Variants in SUN2 observed in about 807,000 individuals in gnomAD.
The protein encoded by SUN2 is SUN domain-containing protein 2.
SUN2 carries 60 observed loss-of-function variants against 100.0 expected under a neutral mutation model. That is an observed-to-expected ratio of 0.60 (90% confidence interval 0.49 to 0.74). SUN2 has a LOEUF of 0.74. SUN2 is among the 30% of genes least tolerant of loss of function. The pLI is 0.00. For synonymous variants in SUN2, 367 were observed against 403.3 expected (o/e 0.91, Z 1.08); for missense variants, 834 against 954.6 (o/e 0.87, Z 1.66).
chr22:38,750,058 C>G (rs372742010), intron 5 of SUN2, among the ~76,000 whole-genome samples, 167 bp downstream of exon 5: 9 of 152,250 alleles, frequency 5.9e-5, no homozygotes, highest in Admixed American at 5.2e-4. Flanking sequence ...TTCCCTTCCA[C>G]GCAAGGGGGT....
intron 17 of SUN2, 131 bp from the exon 18 acceptor site, chr22:38,736,511 G>T: frequency 1.5e-6 from 1 of 673,022 alleles, no homozygotes; most frequent in Non-Finnish European, 2.4e-6. Flanking sequence ...GCTCTGAAGA[G>T]AACCAGGCTT....
rs2092814602 is a variant in SUN2 at position 38,737,340 on chromosome 22, C to G, written c.2040+833G>C. 6.6e-6 allele frequency among the ~76,000 whole-genome samples: 1 copy of G among 152,068 alleles called. No individual in the cohort carries two copies. Among genetic ancestry groups the G allele is most frequent in the Admixed American group, 6.6e-5 (1 of 15,262 alleles). ...CAGTGGCTTCTTCCTCCCACCCCAT[C>G]CAACTGGACATTCACGACCCTCCCT... is the stretch of plus-strand genomic sequence containing the variant. On this transcript the variant is annotated intron_variant, in intron 17 of 17. Transcript: ENST00000689035. The surrounding 1 kb of genome is among the most constrained non-coding windows in gnomAD (Gnocchi z 4.1).
Position 38,755,088 on chromosome 22 carries a change from T to A in SUN2, c.-38+675A>T. 1.0e-6 allele frequency: 1 copy of A among 1,002,996 alleles called. No homozygotes were observed. The allele number at this position is 1,002,996 out of a possible 1,614,324, so 62.1% of individuals were successfully genotyped here. On this transcript the variant is annotated intron_variant, in intron 1 of 17. Transcript: ENST00000689035. This position sits in a 1 kb window ranked among gnomAD's most constrained non-coding sequence, Gnocchi z 5.7. ...CTTCCCCACTTCTCAGCTGGGCGAC[T>A]TCCTTTCTCAATTCCGCCCTTCCCC... is the stretch of plus-strand genomic sequence containing the variant.
chr22:38,741,129 A>G, intron 10 of SUN2, 79 bp from the exon 11 acceptor site: 1 of 1,496,690 alleles, frequency 6.7e-7, no homozygotes, highest in Non-Finnish European at 9.1e-7. Flanking sequence ...GCTGTCTGTT[A>G]GCGTCTTTGC....
intron 6 of SUN2, 86 bp from the exon 7 acceptor site, chr22:38,748,869 A>T (rs1282382185): frequency 1.4e-6 from 2 of 1,384,048 alleles, no homozygotes; most frequent in Non-Finnish European, 2.1e-6. Context: ...GAGTACCCTG[A>T]GATGTTTTCC....
At position 38,755,682 on chromosome 22, in the gene SUN2, C is replaced by G. The variant is rs1321368624; in HGVS notation, c.-38+81G>C. 1.0e-6 allele frequency: 1 copy of G among 980,024 alleles called. No individual in the cohort carries two copies. Among genetic ancestry groups the G allele is most frequent in the African/African-American group, 1.8e-5 (1 of 57,056 alleles). 60.7% of individuals were successfully genotyped at this position (980,024 alleles called of 1,614,324 possible). A position where few individuals can be genotyped will look rare whatever the true frequency, so the allele number is the denominator to read the frequency against. On this transcript the variant is annotated intron_variant, in intron 1 of 17. Transcript: ENST00000689035. The surrounding 1 kb of genome is among the most constrained non-coding windows in gnomAD (Gnocchi z 5.7). Reference sequence around the variant, plus strand: ...AGGAAGCAGGCCTGGCGGCGCGGCCCCGCCCGAGTGGCCCGACGGTGACCC... The same window carrying G: ...AGGAAGCAGGCCTGGCGGCGCGGCCGCGCCCGAGTGGCCCGACGGTGACCC...
At chr22:38,753,163 A>G (rs1026361934) in intron 1 of SUN2, among the ~76,000 whole-genome samples, 10 of 150,396 alleles carry the variant, frequency 6.6e-5, no homozygotes, top group Non-Finnish European at 1.5e-4. Context: ...CGAGGGCCCC[A>G]ACGAACCTTG....
At position 38,738,202 on chromosome 22, in the gene SUN2, C is replaced by T. The variant is rs2072797; in HGVS notation, c.2011G>A (p.Gly671Ser). 0.11 allele frequency: 177,898 copies of T among 1,613,644 alleles called. 10,681 individuals are homozygous for T. Among genetic ancestry groups the T allele is most frequent in the East Asian group, 0.16 (7,187 of 44,862 alleles). The change falls in exon 17 of 18, where the codon GGC becomes AGC. Residue 671 changes from glycine (G) to serine (S), a missense_variant. Physicochemically the swap from Gly to Ser is moderately conservative, Grantham distance 56 (BLOSUM62 0). Around this residue, in one of 3 missense-constraint regions of SUN2, gnomAD observed 80 missense variants for 76.7 expected, o/e 1.04. Coordinates refer to ENST00000689035, the MANE Select transcript of SUN2 (RefSeq NM_015374.3). This position sits in a 1 kb window ranked among gnomAD's most constrained non-coding sequence, Gnocchi z 6.6. ...AAGTGAAACGTCTGAATAGGCTCGC[C>T]GTCCTGATCGTAAGTGAACTTGCCA... ...LLGKFTYDQD[G>S]EPIQTFHFQA...
Position 38,736,222 on chromosome 22 carries a change from T to C in SUN2, c.*45A>G. The C allele has an allele frequency of 6.4e-7, 1 of 1,564,624 alleles. No homozygotes were observed. The highest frequency in any genetic ancestry group is 1.1e-5 in the South Asian group (1 of 88,904). ...GTGTGGGGGAAGCGGCGGGGTGCTGTTCACCCACTCCCAGATGGCTGGCAG... is the reference window on the plus strand; with the variant it reads ...GTGTGGGGGAAGCGGCGGGGTGCTGCTCACCCACTCCCAGATGGCTGGCAG... On this transcript the variant is annotated 3_prime_UTR_variant, in exon 18 of 18. Transcript: ENST00000689035.
chr22:38,738,128 A>T lies in SUN2; in HGVS notation c.2040+45T>A, dbSNP rs370586909. On this transcript the variant is annotated intron_variant, in intron 17 of 17. Coordinates refer to ENST00000689035, the MANE Select transcript of SUN2 (RefSeq NM_015374.3). The surrounding 1 kb of genome is among the most constrained non-coding windows in gnomAD (Gnocchi z 6.6). The stretch of plus-strand genomic sequence containing the variant: ...TGCCCAGGGAGCACCTGCTGCCTGG[A>T]TGGGGAGTCTGCGCCACTTCTGCTA... 5.7e-6 allele frequency: 9 copies of T among 1,572,694 alleles called. No homozygotes were observed. The highest frequency in any genetic ancestry group is 7.9e-6 in the Non-Finnish European group (9 of 1,142,674).
At position 38,755,007 on chromosome 22, in the gene SUN2, C is replaced by T; in HGVS notation, c.-38+756G>A. Reference sequence around the variant, plus strand: ...CTACTGCGAATCATAATAGACACCACCCCCGCCCCACCTCCTCCCTAACAA... The same window carrying T: ...CTACTGCGAATCATAATAGACACCATCCCCGCCCCACCTCCTCCCTAACAA... On this transcript the variant is annotated intron_variant, in intron 1 of 17. Coordinates refer to ENST00000689035, the MANE Select transcript of SUN2 (RefSeq NM_015374.3). The surrounding 1 kb of genome is among the most constrained non-coding windows in gnomAD (Gnocchi z 5.7). The T allele has an allele frequency of 2.4e-6, 3 of 1,261,102 alleles. No homozygotes were observed. Among genetic ancestry groups the T allele is most frequent in the Non-Finnish European group, 3.1e-6 (3 of 966,236 alleles). The allele number at this position is 1,261,102 out of a possible 1,614,324, so 78.1% of individuals were successfully genotyped here.
rs1193291451 is a variant in SUN2 at position 38,740,534 on chromosome 22, G to A, written c.1191-102C>T. Reference sequence around the variant, plus strand: ...CCCCTAGTGGGCTCCCGTCAGGAGAGCGGGTGCCCAGCACTCATTGTGAAC... The same window carrying A: ...CCCCTAGTGGGCTCCCGTCAGGAGAACGGGTGCCCAGCACTCATTGTGAAC... On this transcript the variant is annotated intron_variant, in intron 11 of 17. Transcript: ENST00000689035. The surrounding 1 kb of genome is among the most constrained non-coding windows in gnomAD (Gnocchi z 4.8). 2.3e-6 allele frequency: 3 copies of A among 1,296,144 alleles called. No individual in the cohort carries two copies. Among genetic ancestry groups the A allele is most frequent in the Non-Finnish European group, 3.1e-6 (3 of 977,304 alleles). 80.3% of individuals were successfully genotyped at this position (1,296,144 alleles called of 1,614,324 possible). A position where few individuals can be genotyped will look rare whatever the true frequency, so the allele number is the denominator to read the frequency against.
At chr22:38,745,840 A>G in intron 7 of SUN2, 29 bp from the exon 8 acceptor site, 3 of 1,608,962 alleles carry the variant, frequency 1.9e-6, no homozygotes, top group Non-Finnish European at 1.7e-6. Flanking sequence ...GTGTTACCCC[A>G]GCTGGGCCTC....
Position 38,745,593 on chromosome 22 carries a change from C to A in SUN2, c.813+91G>T. The A allele has an allele frequency of 1.3e-6, 2 of 1,518,608 alleles. 1 individual carries two copies. The highest frequency in any genetic ancestry group is 2.4e-5 in the South Asian group (2 of 83,754). 94.1% of individuals were successfully genotyped at this position (1,518,608 alleles called of 1,614,324 possible). A position where few individuals can be genotyped will look rare whatever the true frequency, so the allele number is the denominator to read the frequency against. On this transcript the variant is annotated intron_variant, in intron 8 of 17. Coordinates refer to ENST00000689035, the MANE Select transcript of SUN2 (RefSeq NM_015374.3). Reference sequence around the variant, plus strand: ...ACAGTACGCCTCAGCTTTGTGTGTACGGTGTGAGGCAGGCTGAGGGCGCAC... The same window carrying A: ...ACAGTACGCCTCAGCTTTGTGTGTAAGGTGTGAGGCAGGCTGAGGGCGCAC...
chr22:38,736,149 C>A lies in SUN2; in HGVS notation c.*118G>T. The A allele has an allele frequency of 1.0e-6, 1 of 999,118 alleles. No individual in the cohort carries two copies. Among genetic ancestry groups the A allele is most frequent in the South Asian group, 1.3e-5 (1 of 74,306 alleles). 61.9% of individuals were successfully genotyped at this position (999,118 alleles called of 1,614,324 possible). ...GCCCGTCCTTTTCATCTGCATGGGGCCACAGGCTCCTCTCTTGTGCTCCTA... is the reference window on the plus strand; with the variant it reads ...GCCCGTCCTTTTCATCTGCATGGGGACACAGGCTCCTCTCTTGTGCTCCTA... On this transcript the variant is annotated 3_prime_UTR_variant, in exon 18 of 18. Coordinates refer to ENST00000689035, the MANE Select transcript of SUN2 (RefSeq NM_015374.3).
Position 38,754,852 on chromosome 22 carries a change from C to T in SUN2, c.-38+911G>A, listed in dbSNP as rs938804846. ...CGCCCTCCCAGAACTCCCAGAGATG[C>T]CTCTCAGTCTTTCCTGCGGCATCCT... On this transcript the variant is annotated intron_variant, in intron 1 of 17. Coordinates refer to ENST00000689035, the MANE Select transcript of SUN2 (RefSeq NM_015374.3). 4 of 1,288,766 alleles carry T rather than the reference C, an allele frequency of 3.1e-6. No homozygotes were observed. In the African/African-American group the frequency reaches 6.1e-5, roughly 20 times the overall value. The allele number at this position is 1,288,766 out of a possible 1,614,324, so 79.8% of individuals were successfully genotyped here.
At chr22:38,752,711 C>T (rs538973692) in intron 1 of SUN2, 46 bp from the exon 2 acceptor site, 2 of 1,556,152 alleles carry the variant, frequency 1.3e-6, no homozygotes, top group South Asian at 1.2e-5. Flanking sequence ...CTGGGGCTGT[C>T]CCCAGCTCCT....
At chr22:38,750,012 C>T (rs1458910557) in intron 5 of SUN2, among the ~76,000 whole-genome samples, 153 bp from the exon 6 acceptor site, 1 of 151,980 alleles carries the variant, frequency 6.6e-6, no homozygotes, top group Non-Finnish European at 1.5e-5. Flanking sequence ...TGGATCCCAC[C>T]TGCCCACACC....
Position 38,739,925 on chromosome 22 carries a change from C to T in SUN2, c.1375G>A (p.Ala459Thr). 6.2e-7 allele frequency: 1 copy of T among 1,611,772 alleles called. No individual in the cohort carries two copies. Residue 459 changes from alanine to threonine, a missense_variant, in exon 13 of 18, where the codon GCC becomes ACC. Transcript: ENST00000689035. The surrounding 1 kb of genome is among the most constrained non-coding windows in gnomAD (Gnocchi z 6.7). ...CGGGCAAGGAACTGACTGATCCAGG[C>T]CGGGAACTGAGATTCCACCTATAGG... is the stretch of plus-strand genomic sequence containing the variant. ...VRDDVESQFP[A>T]WISQFLARGG...
Sources: gnomAD v4.1 joint callset for allele counts (sites outside exome capture counted in the v4.1 genomes callset) on GRCh38, gnomAD v4.1.1 for gene constraint, gnomAD v4.1.1 regional missense constraint, Gnocchi (gnomAD v3.1) non-coding constraint, MANE v1.5 for transcripts, NCBI Gene and HGNC (gene_info 2026-07-23, HGNC 2026-07-21) for gene names.